BARX2: variants seen among roughly 807,000 people sequenced by gnomAD.
The protein encoded by BARX2 is homeobox protein BarH-like 2.
In BARX2, 11 loss-of-function variants were observed where a neutral mutation model predicts 25.5. The ratio of observed to expected loss-of-function variants is 0.43; its 90% CI spans 0.27 to 0.71. BARX2 has a LOEUF of 0.71. Ranked by LOEUF, BARX2 falls within the 30% of genes least tolerant of loss-of-function variation. The pLI, the probability that BARX2 is intolerant of heterozygous loss-of-function variation, is 0.19. For missense variants in BARX2, 360 were observed against 359.9 expected (o/e 1.00, Z 0.00); for synonymous variants, 137 against 149.5 (o/e 0.92, Z 0.61).
chr11:129,417,914 G>A (rs552848674), intron 1 of BARX2, among the ~76,000 whole-genome samples: 3 of 152,256 alleles, frequency 2.0e-5, no homozygotes, highest in African/African-American at 4.8e-5. Context: ...TATTAAGTAG[G>A]CAGAAGAGAT....
intron 1 of BARX2, among the ~76,000 whole-genome samples, chr11:129,409,387 C>T (rs577992135): frequency 1.2e-4 from 19 of 152,188 alleles, no homozygotes; most frequent in East Asian, 7.7e-4. Context: ...AATTTTTAAA[C>T]GGTCTGTTCT....
intron 1 of BARX2, among the ~76,000 whole-genome samples, chr11:129,419,162 TG>T (rs1229090060): frequency 6.6e-6 from 1 of 152,232 alleles, no homozygotes; most frequent in Non-Finnish European, 1.5e-5. Context: ...CCTGAGCTGC[TG>T]AGAAGCTTCT....
intron 3 of BARX2, among the ~76,000 whole-genome samples, chr11:129,445,615 C>T (rs1028076550): frequency 2.0e-5 from 3 of 152,222 alleles, no homozygotes; most frequent in Non-Finnish European, 2.9e-5. Context: ...GCTGTCAGTT[C>T]ACTTTTGAGA....
intron 1 of BARX2, among the ~76,000 whole-genome samples, chr11:129,392,552 G>A (rs1294794739): frequency 6.6e-6 from 1 of 152,116 alleles, no homozygotes; most frequent in African/African-American, 2.4e-5. Context: ...GGAAACACTG[G>A]TATAATACTA....
Position 129,436,606 on chromosome 11 carries a change from C to A in BARX2, c.188-145C>A. The A allele has an allele frequency of 1.1e-6, 1 of 881,228 alleles. No homozygotes were observed. Among genetic ancestry groups the A allele is most frequent in the South Asian group, 2.1e-5 (1 of 47,492 alleles). 54.6% of individuals were successfully genotyped at this position (881,228 alleles called of 1,614,324 possible). A position where few individuals can be genotyped will look rare whatever the true frequency, so the allele number is the denominator to read the frequency against. On this transcript the variant is annotated intron_variant, in intron 1 of 3. Coordinates refer to ENST00000281437, the MANE Select transcript of BARX2 (RefSeq NM_003658.5). This position sits in a 1 kb window ranked among gnomAD's most constrained non-coding sequence, Gnocchi z 4.5. ...CCTGCAGCTGTAGGTCTTGAGTTAC[C>A]TCTCCTTCCCCTTCCTCCATCTGTA...
At chr11:129,394,954 T>G (rs1360804470) in intron 1 of BARX2, among the ~76,000 whole-genome samples, 1 of 145,660 alleles carries the variant, frequency 6.9e-6, no homozygotes, top group Non-Finnish European at 1.5e-5. Flanking sequence ...TTTTTTTGAC[T>G]GGAAAGAAAA....
Position 129,442,913 on chromosome 11 carries a change from G to A in BARX2, c.567G>A (p.Lys189=). The change falls in exon 3 of 4, where the codon AAG becomes AAA. Residue 189 remains lysine (K), a synonymous_variant. Transcript: ENST00000281437. ...ATCAGAATCGCAGGATGAAATGGAAGAAAATGGTAAGAAAGGAGTGACTAA... is the reference window on the plus strand; with the variant it reads ...ATCAGAATCGCAGGATGAAATGGAAAAAAATGGTAAGAAAGGAGTGACTAA... ...TWYQNRRMKW[K]KMVLKGGQEA... 1 of 1,612,248 alleles carries A rather than the reference G, an allele frequency of 6.2e-7. No individual in the cohort carries two copies.
At chr11:129,414,770 G>A (rs1861927610) in intron 1 of BARX2, among the ~76,000 whole-genome samples, 1 of 152,306 alleles carries the variant, frequency 6.6e-6, no homozygotes. Context: ...GGCATCAAAG[G>A]TATGTGAAGA....
intron 1 of BARX2, among the ~76,000 whole-genome samples, chr11:129,377,402 C>A (rs1363983301): frequency 6.6e-6 from 1 of 152,252 alleles, no homozygotes. Flanking sequence ...CCAAATTGTT[C>A]CTACATGTAT....
At chr11:129,387,626 C>A (rs1861628479) in intron 1 of BARX2, among the ~76,000 whole-genome samples, 1 of 152,166 alleles carries the variant, frequency 6.6e-6, no homozygotes, top group African/African-American at 2.4e-5. Flanking sequence ...CATTAATGAA[C>A]CTCAGCACAT....
chr11:129,406,772 GTTTTTGGA>G (rs1243183236), intron 1 of BARX2, among the ~76,000 whole-genome samples: 1 of 152,176 alleles, frequency 6.6e-6, no homozygotes, highest in Non-Finnish European at 1.5e-5. Flanking sequence ...TCGACCCTCA[GTTTTTGGA>G]TTCACATGAA....
chr11:129,442,942 T>C (rs1862280951), intron 3 of BARX2, 23 bp downstream of exon 3: 1 of 1,595,536 alleles, frequency 6.3e-7, no homozygotes, highest in African/African-American at 1.3e-5. Context: ...TGACTAACCA[T>C]GATCCCTTCC....
intron 2 of BARX2, among the ~76,000 whole-genome samples, chr11:129,438,966 G>A (rs962834724): frequency 2.0e-5 from 3 of 152,170 alleles, no homozygotes; most frequent in African/African-American, 7.2e-5. Context: ...GTGTCTCGCC[G>A]GGTATGTGGA....
intron 3 of BARX2, among the ~76,000 whole-genome samples, chr11:129,445,537 C>T (rs1362224315): frequency 6.6e-6 from 1 of 152,156 alleles, no homozygotes; most frequent in Non-Finnish European, 1.5e-5. Context: ...AGTAACTTAG[C>T]AGATCTAACC....
intron 3 of BARX2, 150 bp from the exon 4 acceptor site, chr11:129,450,986 A>G: frequency 1.2e-6 from 1 of 867,788 alleles, no homozygotes; most frequent in East Asian, 2.6e-5. Flanking sequence ...TGTAGACCAG[A>G]GGTGATGGGT....
chr11:129,398,576 T>A (rs1453020181), intron 1 of BARX2, among the ~76,000 whole-genome samples: 1 of 152,268 alleles, frequency 6.6e-6, no homozygotes, highest in African/African-American at 2.4e-5. Flanking sequence ...ATTGAGAGTT[T>A]AAACATTCAC....
chr11:129,379,178 G>T (rs928769913), intron 1 of BARX2, among the ~76,000 whole-genome samples: 2 of 152,072 alleles, frequency 1.3e-5, no homozygotes, highest in African/African-American at 4.8e-5. Context: ...CTGCAAAAGG[G>T]AATCCTTTCC....
At chr11:129,440,353 TG>T (rs1862242242) in intron 2 of BARX2, among the ~76,000 whole-genome samples, 2 of 152,210 alleles carry the variant, frequency 1.3e-5, no homozygotes, top group African/African-American at 4.8e-5. Context: ...CATTGACTAA[TG>T]CACCTGATGG....
chr11:129,433,758 G>A (rs1435343386), intron 1 of BARX2, among the ~76,000 whole-genome samples: 4 of 151,980 alleles, frequency 2.6e-5, no homozygotes, highest in Non-Finnish European at 5.9e-5. Context: ...CCCCAATACT[G>A]CCCTCTGCCC....
Sources: allele counts gnomAD v4.1 joint callset (sites outside exome capture counted in the v4.1 genomes callset), GRCh38; gene constraint gnomAD v4.1.1; non-coding constraint Gnocchi (gnomAD v3.1); transcripts MANE v1.5; gene names NCBI Gene and HGNC (gene_info 2026-07-23, HGNC 2026-07-21).